The following DPP4 variants were observed in gnomAD, a reference collection of about 807,000 sequenced individuals.
DPP4 encodes the protein dipeptidyl peptidase 4.
DPP4 carries 93 observed loss-of-function variants against 122.4 expected under a neutral mutation model. That is an observed-to-expected ratio of 0.76 (90% CI 0.64 to 0.90). The LOEUF (loss-of-function observed/expected upper bound fraction) is 0.90, where lower values mean the gene tolerates loss of function less well. Ranked by LOEUF, DPP4 falls within the 40% of genes least tolerant of loss-of-function variation. The probability of loss-of-function intolerance (pLI) is 0.00; values close to 1 mark genes in which losing one functional copy is unlikely to be tolerated. For synonymous variants in DPP4, 321 were observed against 302.9 expected (o/e 1.06, Z -0.62); for missense variants, 914 against 907.3 (o/e 1.01, Z -0.09).
chr2:162,001,967 G>A (rs1472115500), intron 23 of DPP4, among the ~76,000 whole-genome samples: 1 of 152,146 alleles, frequency 6.6e-6, no homozygotes, highest in Non-Finnish European at 1.5e-5. Context: ...CTTTAAAAGT[G>A]CTTCTCCCTT....
At position 162,045,517 on chromosome 2, in the gene DPP4, A is replaced by G; in HGVS notation, c.366+15T>C. 6.4e-7 allele frequency: 1 copy of G among 1,565,858 alleles called. No individual in the cohort carries two copies. Among genetic ancestry groups the G allele is most frequent in the Admixed American group, 1.7e-5 (1 of 59,784 alleles). On this transcript the variant is annotated intron_variant, in intron 5 of 25. Transcript: ENST00000360534. ...GGATTATTTAAATGTTACAGTAAGA[A>G]AGCATTTATTTTACCTTCACGTAGT...
intron 23 of DPP4, among the ~76,000 whole-genome samples, chr2:161,999,356 T>G (rs1336423462): frequency 6.6e-6 from 1 of 152,256 alleles, no homozygotes; most frequent in African/African-American, 2.4e-5. Context: ...CCTCTTTGCC[T>G]ATCCATGGAA....
intron 5 of DPP4, among the ~76,000 whole-genome samples, chr2:162,039,759 AT>A (rs539971043): frequency 2.4e-3 from 368 of 151,970 alleles, no homozygotes; most frequent in African/African-American, 7.9e-3. Flanking sequence ...GGGAAATAAA[AT>A]TTTTTTTTAA....
rs1221463506 is a variant in DPP4 at position 162,074,052 on chromosome 2, C to A, written c.-71G>T. On this transcript the variant is annotated 5_prime_UTR_variant, in exon 1 of 26. Transcript: ENST00000360534. ...CAGAAGTCACCGCGGGCGGCGGAGA[C>A]GCGCGTCCTGCACCGCTGCTCCGGG... 1.3e-6 allele frequency: 2 copies of A among 1,578,936 alleles called. No individual in the cohort carries two copies. The highest frequency in any genetic ancestry group is 1.3e-5 in the African/African-American group (1 of 74,384).
intron 23 of DPP4, among the ~76,000 whole-genome samples, chr2:161,997,285 A>C (rs1302500063): frequency 6.6e-6 from 1 of 152,234 alleles, no homozygotes; most frequent in African/African-American, 2.4e-5. Flanking sequence ...AAGATGTCTC[A>C]GATAAATACA....
At chr2:162,034,498 A>C (rs569017407) in intron 9 of DPP4, among the ~76,000 whole-genome samples, 3 of 152,260 alleles carry the variant, frequency 2.0e-5, no homozygotes, top group South Asian at 4.2e-4. Context: ...CAGAAAAAAC[A>C]CTTTACTATT....
intron 22 of DPP4, 30 bp from the exon 23 acceptor site, chr2:162,005,839 T>C (rs757644411): frequency 6.3e-7 from 1 of 1,585,254 alleles, no homozygotes; most frequent in Admixed American, 1.7e-5. Context: ...AAAAAAAAGT[T>C]TAATTCATAC....
chr2:162,055,357 C>T (rs765488543), intron 2 of DPP4, among the ~76,000 whole-genome samples: 1 of 152,134 alleles, frequency 6.6e-6, no homozygotes, highest in Non-Finnish European at 1.5e-5. Context: ...ACATAAGGGA[C>T]ATTAGCATAT....
intron 19 of DPP4, 105 bp downstream of exon 19, chr2:162,014,291 G>A (rs1682824901): frequency 2.3e-6 from 2 of 884,640 alleles, no homozygotes; most frequent in Non-Finnish European, 3.6e-6. Flanking sequence ...CAGTGATCCA[G>A]GAAGAGGGAA....
intron 1 of DPP4, 95 bp downstream of exon 1, chr2:162,073,881 C>T: frequency 1.3e-6 from 2 of 1,541,898 alleles, no homozygotes; most frequent in South Asian, 1.2e-5. Flanking sequence ...AAGGGGAGTC[C>T]CTGGTCCGGT....
chr2:162,070,307 C>CCT lies in DPP4; in HGVS notation c.94+3090_94+3091dup, dbSNP rs3831864. 1.0e-3 allele frequency among the ~76,000 whole-genome samples: 152 copies of CCT among 148,322 alleles called. 2 individuals carry two copies. Among genetic ancestry groups the CCT allele is most frequent in the South Asian group, 7.3e-3 (34 of 4,670 alleles). On this transcript the variant is annotated intron_variant, in intron 2 of 25. Transcript: ENST00000360534. ...TTAAATATATGACAATAGTATTAAG[C>CCT]CTCTCTCTCTCTCTCTCTGGCTCCC...
chr2:162,050,688 C>T lies in DPP4; in HGVS notation c.95-3187G>A, dbSNP rs986718243. On this transcript the variant is annotated intron_variant, in intron 2 of 25. Coordinates refer to ENST00000360534, the MANE Select transcript of DPP4 (RefSeq NM_001935.4). Reference sequence around the variant, plus strand: ...CAACACAAATGTTCCTTGTTTTTAGCCTTGCCATTTGATAAGCAGGGCACA... The same window carrying T: ...CAACACAAATGTTCCTTGTTTTTAGTCTTGCCATTTGATAAGCAGGGCACA... Among the ~76,000 whole-genome samples the T allele has an allele frequency of 2.6e-5, 4 of 152,220 alleles. No individual in the cohort carries two copies. In the South Asian group the frequency reaches 8.3e-4, roughly 31 times the overall value.
chr2:161,993,609 CTT>C (rs1378103815), intron 25 of DPP4, among the ~76,000 whole-genome samples: 1 of 152,178 alleles, frequency 6.6e-6, no homozygotes, highest in Non-Finnish European at 1.5e-5. Context: ...CTCTGATCCT[CTT>C]TTGCAGGTGC....
intron 2 of DPP4, among the ~76,000 whole-genome samples, chr2:162,070,876 G>A (rs192636868): frequency 6.6e-6 from 1 of 152,202 alleles, no homozygotes; most frequent in African/African-American, 2.4e-5. Context: ...TTACTAGAGT[G>A]GTAAATAAAT....
intron 25 of DPP4, 56 bp from the exon 26 acceptor site, chr2:161,993,440 A>G: frequency 8.3e-7 from 1 of 1,204,090 alleles, no homozygotes; most frequent in Non-Finnish European, 1.2e-6. Context: ...TTCTTAAAAA[A>G]AAAAATACGT....
At chr2:162,054,700 C>T (rs2106145072) in intron 2 of DPP4, among the ~76,000 whole-genome samples, 1 of 152,238 alleles carries the variant, frequency 6.6e-6, no homozygotes, top group African/African-American at 2.4e-5. Context: ...TCACCAGACC[C>T]TAAATGCCAA....
intron 23 of DPP4, among the ~76,000 whole-genome samples, chr2:162,001,215 G>A (rs895293888): frequency 6.6e-6 from 1 of 152,184 alleles, no homozygotes; most frequent in African/African-American, 2.4e-5. Flanking sequence ...GGATCTGGAG[G>A]AGAATTAAAC....
intron 25 of DPP4, among the ~76,000 whole-genome samples, chr2:161,994,325 C>A (rs1052310221): frequency 3.0e-4 from 45 of 152,330 alleles, no homozygotes; most frequent in African/African-American, 1.1e-3. Flanking sequence ...AATACATATA[C>A]ATACATGCAC....
chr2:162,051,131 G>A (rs140218799), intron 2 of DPP4, among the ~76,000 whole-genome samples: 3 of 152,046 alleles, frequency 2.0e-5, no homozygotes, highest in East Asian at 1.9e-4. Context: ...AGCTTGAACC[G>A]CATGAAAATA....
Sources: gnomAD v4.1 joint callset for allele counts (sites outside exome capture counted in the v4.1 genomes callset) on GRCh38, gnomAD v4.1.1 for gene constraint, MANE v1.5 for transcripts, NCBI Gene and HGNC (gene_info 2026-07-23, HGNC 2026-07-21) for gene names.